PCNT: variants seen among roughly 807,000 people sequenced by gnomAD.
The protein encoded by PCNT is pericentrin.
PCNT carries 319 observed loss-of-function variants against 380.4 expected under a neutral mutation model. The ratio of observed to expected loss-of-function variants is 0.84; its 90% confidence interval spans 0.77 to 0.92. The LOEUF (loss-of-function observed/expected upper bound fraction) is 0.92. Ranked by LOEUF, PCNT falls within the 40% of genes least tolerant of loss-of-function variation. The probability of loss-of-function intolerance (pLI) is 0.00; values close to 1 mark genes in which losing one functional copy is unlikely to be tolerated. For missense variants in PCNT, 4,400 were observed against 4,255.3 expected (o/e 1.03, Z -0.95); for synonymous variants, 1,845 against 1,735.2 (o/e 1.06, Z -1.57).
chr21:46,325,415 C>CGCCTGTAGG (rs904389402), intron 1 of PCNT, among the ~76,000 whole-genome samples: 2 of 152,184 alleles, frequency 1.3e-5, no homozygotes, highest in Non-Finnish European at 2.9e-5. Context: ...GACAAGACGC[C>CGCCTGTAGG]GCCTGTAGGG....
chr21:46,433,724 G>C (rs2087859879), intron 38 of PCNT, among the ~76,000 whole-genome samples: 1 of 152,128 alleles, frequency 6.6e-6, no homozygotes, highest in Admixed American at 6.5e-5. Flanking sequence ...GCTTCAGGAT[G>C]CATCTTGACC....
intron 15 of PCNT, among the ~76,000 whole-genome samples, chr21:46,379,238 G>A (rs1050747544): frequency 2.2e-5 from 3 of 137,830 alleles, no homozygotes; most frequent in Non-Finnish European, 5.0e-5. Flanking sequence ...CCGGGGCTGC[G>A]TGTCGTGAGC....
intron 30 of PCNT, among the ~76,000 whole-genome samples, chr21:46,417,111 A>G (rs1246161335): frequency 6.6e-6 from 1 of 150,522 alleles, no homozygotes; most frequent in Admixed American, 6.6e-5. Context: ...TAGCCCAGAC[A>G]CGTCTTCGTG....
At chr21:46,393,131 C>T (rs949418086) in intron 21 of PCNT, among the ~76,000 whole-genome samples, 1 of 152,222 alleles carries the variant, frequency 6.6e-6, no homozygotes, top group Non-Finnish European at 1.5e-5. Flanking sequence ...CCCCACGGGC[C>T]TCTAAGCCCT....
At chr21:46,365,921 T>G (rs1255221377) in intron 14 of PCNT, among the ~76,000 whole-genome samples, 1 of 148,578 alleles carries the variant, frequency 6.7e-6, no homozygotes, top group South Asian at 2.1e-4. Flanking sequence ...TGGGGTTCTA[T>G]TCATTCACTG....
intron 3 of PCNT, among the ~76,000 whole-genome samples, chr21:46,341,621 C>A (rs2083911607): frequency 6.6e-6 from 1 of 152,064 alleles, no homozygotes; most frequent in African/African-American, 2.4e-5. Context: ...CCTGCCTCGG[C>A]CTCCCAAAGT....
Position 46,416,199 on chromosome 21 carries a change from C to G in PCNT, c.6281C>G (p.Thr2094Ser), listed in dbSNP as rs1426784720. ...MTFQNVDAAD[T>S]KSLWPMASAH... is the part of the protein sequence containing the mutation. ...TTCCAGAATGTGGATGCTGCCGACA[C>G]CAAATCTCTGTGGCCCATGGCCTCA... The change falls in exon 30 of 47, where the codon ACC (threonine) becomes AGC (serine). Residue 2094 changes from threonine to serine, a missense_variant. Thr to Ser is a moderately conservative substitution (Grantham distance 58, BLOSUM62 1). Coordinates refer to ENST00000359568, the MANE Select transcript of PCNT (RefSeq NM_006031.6). The G allele has an allele frequency of 1.9e-6, 3 of 1,614,086 alleles. No homozygotes were observed. Among genetic ancestry groups the G allele is most frequent in the Non-Finnish European group, 2.5e-6 (3 of 1,180,044 alleles).
intron 11 of PCNT, among the ~76,000 whole-genome samples, chr21:46,355,192 C>T (rs562517108): frequency 6.6e-6 from 1 of 152,200 alleles, no homozygotes; most frequent in African/African-American, 2.4e-5. Flanking sequence ...GCCCTGCCGC[C>T]CTGAGGAGCA....
In PCNT at chr21:46,381,834, C is replaced by G. The variant is rs1360791644; in HGVS notation, c.3306C>G (p.Val1102=). ...SLQLQKKNHQ[V]QQLKDQVLSL... is the part of the protein sequence containing the mutation. ...AGCTTCAAAAGAAGAATCACCAAGT[C>G]CAGCAGGTGTGTGGAATACGCTGTT... The change falls in exon 16 of 47, where the codon GTC becomes GTG. Residue 1102 remains valine, a synonymous_variant. Transcript: ENST00000359568. The G allele has an allele frequency of 6.2e-7, 1 of 1,614,006 alleles. No homozygotes were observed. The highest frequency in any genetic ancestry group is 1.3e-5 in the African/African-American group (1 of 74,946).
intron 15 of PCNT, among the ~76,000 whole-genome samples, chr21:46,379,254 C>T (rs893322695): frequency 7.2e-6 from 1 of 138,002 alleles, no homozygotes; most frequent in Non-Finnish European, 1.7e-5. Context: ...TGAGCTGCGC[C>T]CGTCTTCCTG....
chr21:46,416,453 A>G lies in PCNT; in HGVS notation c.6535A>G (p.Ile2179Val). ...ACCAGATGAAATGCCAGATTCTCCC[A>G]TTCAAGAAAAATCAGAATGTCAGGA... ...LIPDEMPDSP[I>V]QEKSECQDMS... Residue 2179 changes from isoleucine (I) to valine (V), a missense_variant, in exon 30 of 47, where the codon ATT becomes GTT. Coordinates refer to ENST00000359568, the MANE Select transcript of PCNT (RefSeq NM_006031.6). The G allele has an allele frequency of 1.2e-6, 2 of 1,614,204 alleles. No homozygotes were observed. The highest frequency in any genetic ancestry group is 1.7e-6 in the Non-Finnish European group (2 of 1,180,026).
At chr21:46,400,269 AG>A (rs2086375971) in intron 25 of PCNT, among the ~76,000 whole-genome samples, 1 of 151,962 alleles carries the variant, frequency 6.6e-6, no homozygotes, top group Non-Finnish European at 1.5e-5. Context: ...GAGTTTAAAG[AG>A]GGGCTGGAGC....
Position 46,366,993 on chromosome 21 carries a change from C to A in PCNT, c.3019C>A (p.Leu1007Ile). Reference protein sequence around the residue: ...FEEQLWKKDSLHQTILTQELE... With the variant: ...FEEQLWKKDSIHQTILTQELE... Reference sequence around the variant, plus strand: ...GGAACAACTGTGGAAAAAGGACTCTCTTCACCAAACGATTTTGACTCAAGA... The same window carrying A: ...GGAACAACTGTGGAAAAAGGACTCTATTCACCAAACGATTTTGACTCAAGA... The change falls in exon 15 of 47, where the codon CTT (leucine) becomes ATT (isoleucine). Residue 1007 changes from leucine to isoleucine, a missense_variant. Coordinates refer to ENST00000359568, the MANE Select transcript of PCNT (RefSeq NM_006031.6). 11 of 1,614,228 alleles carry A rather than the reference C, an allele frequency of 6.8e-6. No homozygotes were observed. Among genetic ancestry groups the A allele is most frequent in the Non-Finnish European group, 7.6e-6 (9 of 1,180,028 alleles).
chr21:46,381,880 T>C, intron 16 of PCNT, 40 bp downstream of exon 16: 1 of 1,607,572 alleles, frequency 6.2e-7, no homozygotes, highest in Non-Finnish European at 8.5e-7. Context: ...AAGACGTGTA[T>C]AGCATAAAAA....
At chr21:46,442,202 A>C (rs1347927622) in intron 43 of PCNT, among the ~76,000 whole-genome samples, 1 of 151,718 alleles carries the variant, frequency 6.6e-6, no homozygotes, top group Non-Finnish European at 1.5e-5. Context: ...AGTCGTCCTG[A>C]GCTGGGCCAT....
intron 33 of PCNT, 39 bp from the exon 34 acceptor site, chr21:46,427,583 C>A (rs762180251): frequency 6.8e-6 from 11 of 1,612,868 alleles, no homozygotes; most frequent in Admixed American, 3.3e-5. Context: ...GATGCAGGTG[C>A]ATTTGTGAGG....
intron 8 of PCNT, among the ~76,000 whole-genome samples, chr21:46,350,462 TG>T (rs2084225978): frequency 6.6e-6 from 1 of 152,184 alleles, no homozygotes; most frequent in African/African-American, 2.4e-5. Context: ...GCTTCTCTAA[TG>T]AAGCACTACA....
rs762770235 is a variant in PCNT, at chr21:46,416,248, G to T, written c.6330G>T (p.Trp2110Cys). Residue 2110 changes from tryptophan (W) to cysteine (C), a missense_variant, in exon 30 of 47, where the codon TGG (tryptophan) becomes TGT (cysteine). Coordinates refer to ENST00000359568, the MANE Select transcript of PCNT (RefSeq NM_006031.6). ...MASAHLLESS[W>C]SDDSCDGEEP... ...CAGCACACCTGTTGGAGAGCAGCTGGAGTGATGATTCCTGTGACGGAGAAG... is the reference window on the plus strand; with the variant it reads ...CAGCACACCTGTTGGAGAGCAGCTGTAGTGATGATTCCTGTGACGGAGAAG... 24 of 1,614,206 alleles carry T rather than the reference G, an allele frequency of 1.5e-5. No individual in the cohort carries two copies. Among genetic ancestry groups the T allele is most frequent in the East Asian group, 2.2e-5 (1 of 44,880 alleles).
chr21:46,426,278 C>T (rs888431640), intron 33 of PCNT, among the ~76,000 whole-genome samples: 2 of 151,970 alleles, frequency 1.3e-5, no homozygotes, highest in South Asian at 2.1e-4. Flanking sequence ...GTGATCCACC[C>T]GCCTCAGCCT....
Sources: allele counts gnomAD v4.1 joint callset (sites outside exome capture counted in the v4.1 genomes callset), GRCh38; gene constraint gnomAD v4.1.1; transcripts MANE v1.5; gene names NCBI Gene and HGNC (gene_info 2026-07-23, HGNC 2026-07-21).